The following RGPD2 variants were observed in gnomAD, a reference collection of about 807,000 sequenced individuals.
The protein encoded by RGPD2 is RANBP2-like and GRIP domain-containing protein 2.
A neutral mutation model predicts 36.0 loss-of-function variants in RGPD2; 2 were observed. The ratio of observed to expected loss-of-function variants is 0.06; its 90% confidence interval spans 0.02 to 0.17. The LOEUF (loss-of-function observed/expected upper bound fraction) is 0.17. Ranked by LOEUF, RGPD2 falls within the 10% of genes least tolerant of loss-of-function variation. The pLI, the probability that RGPD2 is intolerant of heterozygous loss-of-function variation, is 1.00. For synonymous variants in RGPD2, 19 were observed against 163.8 expected, an observed-to-expected ratio of 0.12 and a Z score of 6.75; for missense variants, 40 against 464.3, an observed-to-expected ratio of 0.09 and a Z score of 8.40.
At position 87,756,378 on chromosome 2, in the gene RGPD2, C is replaced by A; in HGVS notation, c.*1014G>T. 6.9e-6 allele frequency: 1 copy of A among 145,794 alleles called. No homozygotes were observed. The highest frequency in any genetic ancestry group is 1.5e-5 in the Non-Finnish European group (1 of 65,964). The allele number at this position is 145,794 out of a possible 1,614,324, so 9.0% of individuals were successfully genotyped here. A position where few individuals can be genotyped will look rare whatever the true frequency, so the allele number is the denominator to read the frequency against. ...GGATCTCTTTCAGCCTCGGAAAAGC[C>A]TGCCATTCCCCCATCTAAAAACCCT... On this transcript the variant is annotated 3_prime_UTR_variant, in exon 23 of 23. Coordinates refer to ENST00000398146, the MANE Select transcript of RGPD2 (RefSeq NM_001078170.3).
chr2:87,826,915 A>G (rs1448155734), upstream of RGPD2, among the ~76,000 whole-genome samples: 2 of 118,936 alleles, frequency 1.7e-5, no homozygotes, highest in Non-Finnish European at 3.5e-5. Context: ...AGGTGGCTGC[A>G]TAAAGTCCCA....
the RGPD2 span, among the ~76,000 whole-genome samples, chr2:87,976,932 C>T: frequency 6.8e-6 from 1 of 145,988 alleles, no homozygotes; most frequent in African/African-American, 2.7e-5. Flanking sequence ...TATCACCTAT[C>T]AATTAAAGAC....
At chr2:87,983,919 G>C in the RGPD2 span, among the ~76,000 whole-genome samples, 1 of 152,236 alleles carries the variant, frequency 6.6e-6, no homozygotes, top group African/African-American at 2.4e-5. Context: ...GTGAGCAAGG[G>C]CTAGGTCACA....
upstream of RGPD2, among the ~76,000 whole-genome samples, chr2:87,830,162 C>T (rs1672442600): frequency 6.6e-6 from 1 of 151,800 alleles, no homozygotes; most frequent in African/African-American, 2.4e-5. Flanking sequence ...GAAGGTCCCA[C>T]ATCCAGGTCA....
the RGPD2 span, among the ~76,000 whole-genome samples, chr2:87,963,803 C>G: frequency 7.6e-6 from 1 of 131,300 alleles, no homozygotes; most frequent in African/African-American, 3.1e-5. Context: ...AAAAGGAGTG[C>G]CCAAAGAGAG....
chr2:87,945,404 AAC>A, the RGPD2 span, among the ~76,000 whole-genome samples: 8 of 149,738 alleles, frequency 5.3e-5, no homozygotes, highest in Non-Finnish European at 1.2e-4. Context: ...AAAATATGCA[AAC>A]AGTGTTGAAT....
At chr2:87,878,057 T>G in the RGPD2 span, among the ~76,000 whole-genome samples, 1 of 151,982 alleles carries the variant, frequency 6.6e-6, no homozygotes, top group East Asian at 1.9e-4. Context: ...ATTTCCTGAA[T>G]TTGAATATTG....
At chr2:87,809,756 C>CGGT (rs1686099094) in intron 6 of RGPD2, among the ~76,000 whole-genome samples, 1 of 151,654 alleles carries the variant, frequency 6.6e-6, no homozygotes, top group Admixed American at 6.6e-5. Context: ...CCAAGTCACC[C>CGGT]CCTCATGGTC....
the RGPD2 span, among the ~76,000 whole-genome samples, chr2:87,870,417 G>A: frequency 1.3e-5 from 2 of 152,180 alleles, no homozygotes; most frequent in African/African-American, 4.8e-5. Flanking sequence ...ACTGGAGACC[G>A]TCTTTATACC....
the RGPD2 span, among the ~76,000 whole-genome samples, chr2:87,910,478 C>T: frequency 1.3e-5 from 2 of 152,272 alleles, no homozygotes; most frequent in Non-Finnish European, 1.5e-5. Context: ...AGACGGGATT[C>T]ATCTTTTTAG....
At chr2:87,879,547 A>T in the RGPD2 span, among the ~76,000 whole-genome samples, 1,064 of 105,134 alleles carry the variant, frequency 0.01, 13 homozygotes, top group African/African-American at 0.042. Context: ...TCTAGCTGCC[A>T]CATATAAGTG....
chr2:87,873,042 G>A, the RGPD2 span, among the ~76,000 whole-genome samples: 2 of 152,270 alleles, frequency 1.3e-5, no homozygotes, highest in Admixed American at 6.5e-5. Flanking sequence ...ACAGGCATGA[G>A]CCACCGTGCC....
chr2:87,943,337 C>A, the RGPD2 span, among the ~76,000 whole-genome samples: 1 of 148,480 alleles, frequency 6.7e-6, no homozygotes, highest in East Asian at 2.0e-4. Context: ...TATTAATTTA[C>A]GTTCACTAAT....
the RGPD2 span, among the ~76,000 whole-genome samples, chr2:87,963,871 T>C: frequency 7.6e-6 from 1 of 131,958 alleles, no homozygotes; most frequent in Admixed American, 7.7e-5. Flanking sequence ...AGTTTCACTC[T>C]GTGGTCCAGG....
chr2:87,968,725 C>G, the RGPD2 span: 1 of 233,418 alleles, frequency 4.3e-6, no homozygotes. Context: ...CATTAAGAGC[C>G]TGGCTGAAAC....
At chr2:87,873,079 AG>A in the RGPD2 span, among the ~76,000 whole-genome samples, 1 of 152,262 alleles carries the variant, frequency 6.6e-6, no homozygotes, top group African/African-American at 2.4e-5. Flanking sequence ...CTTATAAGTG[AG>A]AACATGTGGT....
At position 87,781,623 on chromosome 2, in the gene RGPD2, G is replaced by A. The variant is rs1171065351; in HGVS notation, c.4900+501C>T. Among the ~76,000 whole-genome samples, 6 of 150,924 alleles carry A rather than the reference G, an allele frequency of 4.0e-5. No homozygotes were observed. In the South Asian group the frequency reaches 6.3e-4, roughly 16 times the overall value. On this transcript the variant is annotated intron_variant, in intron 20 of 22. Coordinates refer to ENST00000398146, the MANE Select transcript of RGPD2 (RefSeq NM_001078170.3). ...ATTATAGGCACGCACCACCACGCCC[G>A]GCTCATTTTTGTATTTTCAGTAGAA...
the RGPD2 span, among the ~76,000 whole-genome samples, chr2:87,848,912 T>C: frequency 1.3e-5 from 1 of 74,642 alleles, no homozygotes; most frequent in Non-Finnish European, 3.4e-5. Flanking sequence ...AAGCCCTTTC[T>C]TTTATTTTGG....
chr2:87,846,599 C>T, the RGPD2 span, among the ~76,000 whole-genome samples: 1 of 152,128 alleles, frequency 6.6e-6, no homozygotes, highest in African/African-American at 2.4e-5. Flanking sequence ...TGCAGCCAAA[C>T]TTTGTGTAAG....
Sources: allele counts gnomAD v4.1 joint callset (sites outside exome capture counted in the v4.1 genomes callset), GRCh38; gene constraint gnomAD v4.1.1; transcripts MANE v1.5; gene names NCBI Gene and HGNC (gene_info 2026-07-23, HGNC 2026-07-21).